Variants in AGBL1 observed in about 807,000 individuals in gnomAD.
AGBL1 encodes cytosolic carboxypeptidase 4.
A neutral mutation model predicts 118.9 loss-of-function variants in AGBL1; 130 were observed. That is an observed-to-expected ratio of 1.09 (90% CI 0.95 to 1.26). The LOEUF is 1.26. Among genes scored for constraint, AGBL1 ranks in the 50% most tolerant of loss-of-function variants. The probability of loss-of-function intolerance (pLI) is 0.00; values close to 1 mark genes in which losing one functional copy is unlikely to be tolerated. For missense variants in AGBL1, 1,584 were observed against 1,298.1 expected, an observed-to-expected ratio of 1.22 and a Z score of -3.38; for synonymous variants, 555 against 478.9, an observed-to-expected ratio of 1.16 and a Z score of -2.08.
rs373430801 is a variant in AGBL1, at chr15:86,669,546, A to T, written c.2995-4727A>T. ...CATTTTTCTAGAATTATTGAAAAAT[A>T]CTAATTATCTTGTCAATAAATTCTA... On this transcript the variant is annotated intron_variant, in intron 21 of 22. Coordinates refer to ENST00000614907, the MANE Select transcript of AGBL1 (RefSeq NM_001386094.1). Among the ~76,000 whole-genome samples, 16 of 152,350 alleles carry T rather than the reference A, an allele frequency of 1.1e-4. No homozygotes were observed. The East Asian group carries it at 2.7e-3, about 26-fold the overall frequency.
At chr15:86,577,320 A>C (rs1006306944) in intron 21 of AGBL1, among the ~76,000 whole-genome samples, 3 of 152,084 alleles carry the variant, frequency 2.0e-5, no homozygotes, top group African/African-American at 7.2e-5. Flanking sequence ...TTTCAACTTG[A>C]GAGAGGTAAT....
In AGBL1 at chr15:86,973,122, G is replaced by A. The variant is rs553030805; in HGVS notation, c.3222-14865G>A. Among the ~76,000 whole-genome samples the A allele has an allele frequency of 1.5e-3, 234 of 152,082 alleles. 3 individuals carry two copies. The highest frequency in any genetic ancestry group is 5.2e-3 in the African/African-American group (214 of 41,510). ...CTGGTATGTATTTGTGATGCTGTAA[G>A]CTTGTTGTGAAGATGGTATGAAATG... On this transcript the variant is annotated intron_variant, in intron 23 of 24. Transcript: ENST00000441037.
At chr15:86,682,100 T>A (rs1333345950) in intron 22 of AGBL1, among the ~76,000 whole-genome samples, 1 of 152,202 alleles carries the variant, frequency 6.6e-6, no homozygotes, top group Non-Finnish European at 1.5e-5. Flanking sequence ...TTTTAAAAAT[T>A]AGCGCATAGT....
At chr15:86,323,733 A>G (rs1336297020) in intron 17 of AGBL1, among the ~76,000 whole-genome samples, 2 of 152,192 alleles carry the variant, frequency 1.3e-5, no homozygotes, top group Non-Finnish European at 1.5e-5. Context: ...TTGCTTGACC[A>G]TCTGTATACT....
At chr15:86,657,830 G>T (rs962831039) in intron 21 of AGBL1, among the ~76,000 whole-genome samples, 7 of 151,648 alleles carry the variant, frequency 4.6e-5, no homozygotes, top group Non-Finnish European at 7.4e-5. Flanking sequence ...AGGGAATAGG[G>T]AGCAAGGGCT....
intron 19 of AGBL1, among the ~76,000 whole-genome samples, chr15:86,524,007 T>C (rs2083226078): frequency 6.6e-6 from 1 of 152,238 alleles, no homozygotes; most frequent in Non-Finnish European, 1.5e-5. Context: ...GCCAAATCAA[T>C]TAATCATCTC....
chr15:86,363,136 C>T lies in AGBL1; in HGVS notation c.2375-34230C>T, dbSNP rs562346345. Among the ~76,000 whole-genome samples, 348 of 152,140 alleles carry T rather than the reference C, an allele frequency of 2.3e-3. 2 individuals carry two copies. The highest frequency in any genetic ancestry group is 4.2e-3 in the Non-Finnish European group (286 of 68,008). On this transcript the variant is annotated intron_variant, in intron 17 of 22. Coordinates refer to ENST00000614907, the MANE Select transcript of AGBL1 (RefSeq NM_001386094.1). ...AAAGGCCTGCTTTCTCAAAGGGGAT[C>T]TCCTTGGTTATGAGCGTTGCCAGTG...
intron 1 of AGBL1, among the ~76,000 whole-genome samples, chr15:86,125,429 A>G (rs1898359642): frequency 6.6e-6 from 1 of 152,096 alleles, no homozygotes; most frequent in Admixed American, 6.6e-5. Flanking sequence ...ACTTGTCAAT[A>G]TTTCTGTGTC....
intron 24 of AGBL1, among the ~76,000 whole-genome samples, chr15:87,005,890 G>C (rs1215632871): frequency 6.6e-6 from 1 of 152,182 alleles, no homozygotes; most frequent in East Asian, 1.9e-4. Flanking sequence ...TATCTTTTCT[G>C]TTGGTTAGTT....
chr15:86,321,896 A>G (rs960174322), intron 17 of AGBL1, among the ~76,000 whole-genome samples: 3 of 152,044 alleles, frequency 2.0e-5, no homozygotes, highest in African/African-American at 7.2e-5. Flanking sequence ...TACTTTTTTT[A>G]ACCCATGAAT....
At chr15:86,257,815 A>G (rs187921302) in intron 8 of AGBL1, 149 bp from the exon 9 acceptor site, 213 of 706,938 alleles carry the variant, frequency 3.0e-4, no homozygotes, top group African/African-American at 2.6e-3. Context: ...ACCAATAAGC[A>G]TTTGTGTGTG....
chr15:86,096,643 A>C (rs1723683644), intron 1 of AGBL1, among the ~76,000 whole-genome samples: 1 of 152,166 alleles, frequency 6.6e-6, no homozygotes, highest in Non-Finnish European at 1.5e-5. Context: ...TGAGGAATTA[A>C]GTTTGTTGGC....
chr15:86,356,693 T>A (rs1325723099), intron 17 of AGBL1, among the ~76,000 whole-genome samples: 1 of 152,172 alleles, frequency 6.6e-6, no homozygotes, highest in Non-Finnish European at 1.5e-5. Flanking sequence ...CTACAGTTCC[T>A]GAGACAAGTT....
intron 22 of AGBL1, among the ~76,000 whole-genome samples, chr15:86,750,633 A>AT (rs1003022702): frequency 6.6e-6 from 1 of 151,946 alleles, no homozygotes; most frequent in Non-Finnish European, 1.5e-5. Flanking sequence ...TGATCATTTT[A>AT]TTTTTTATTT....
intron 17 of AGBL1, among the ~76,000 whole-genome samples, chr15:86,330,324 C>T (rs1273570959): frequency 2.0e-5 from 3 of 152,220 alleles, no homozygotes; most frequent in African/African-American, 7.2e-5. Flanking sequence ...AATATAAAAC[C>T]TGCCGACAGA....
chr15:86,694,249 T>C (rs1469612137), intron 22 of AGBL1, among the ~76,000 whole-genome samples: 1 of 152,164 alleles, frequency 6.6e-6, no homozygotes, highest in Non-Finnish European at 1.5e-5. Context: ...TTTCCATTTG[T>C]TTGTGTCTTC....
intron 22 of AGBL1, among the ~76,000 whole-genome samples, chr15:86,781,352 G>T (rs551016636): frequency 6.6e-6 from 1 of 152,026 alleles, no homozygotes; most frequent in Admixed American, 6.6e-5. Context: ...GTTTTGAAAA[G>T]TGCACATTAT....
At chr15:86,806,478 G>A (rs2078715759) in intron 22 of AGBL1, among the ~76,000 whole-genome samples, 1 of 152,154 alleles carries the variant, frequency 6.6e-6, no homozygotes, top group Non-Finnish European at 1.5e-5. Context: ...TCAGGAGATG[G>A]ACCTCATATT....
chr15:86,762,666 T>C (rs1040704251), intron 22 of AGBL1, among the ~76,000 whole-genome samples: 2 of 152,020 alleles, frequency 1.3e-5, no homozygotes, highest in Non-Finnish European at 1.5e-5. Context: ...AGAAGGACTG[T>C]ATCCTAGCCC....
Sources: gnomAD v4.1 joint callset for allele counts (sites outside exome capture counted in the v4.1 genomes callset) on GRCh38, gnomAD v4.1.1 for gene constraint, MANE v1.5 for transcripts, NCBI Gene and HGNC (gene_info 2026-07-23, HGNC 2026-07-21) for gene names.